SANBR: variants seen among roughly 807,000 people sequenced by gnomAD.
SANBR encodes the protein SANT and BTB domain regulator of CSR, also known as SANT and BTB domain regulator of class switch recombination.
A neutral mutation model predicts 101.8 loss-of-function variants in SANBR; 77 were observed. The observed-to-expected ratio is 0.76, with a 90% CI of 0.63 to 0.91. The LOEUF is 0.91. SANBR is among the 40% of genes least tolerant of loss of function. The pLI is 0.00. For synonymous variants in SANBR, 279 were observed against 274.7 expected (o/e 1.02, Z -0.15); for missense variants, 875 against 853.0 (o/e 1.03, Z -0.32).
At chr2:61,086,748 G>GT (rs996345939) in intron 8 of SANBR, among the ~76,000 whole-genome samples, 1 of 151,980 alleles carries the variant, frequency 6.6e-6, no homozygotes, top group East Asian at 1.9e-4. Flanking sequence ...AGGATTTTTT[G>GT]TTTTTTTAGG....
chr2:61,091,815 A>G (rs1256005082), intron 10 of SANBR, among the ~76,000 whole-genome samples: 1 of 152,168 alleles, frequency 6.6e-6, no homozygotes, highest in Non-Finnish European at 1.5e-5. Flanking sequence ...GCATATGACC[A>G]TAGCAAATAT....
chr2:61,112,153 C>G (rs189215785), intron 16 of SANBR, among the ~76,000 whole-genome samples: 7 of 152,300 alleles, frequency 4.6e-5, no homozygotes, highest in Admixed American at 4.6e-4. Flanking sequence ...CGTTTTGCAT[C>G]TCTACAAGCA....
intron 5 of SANBR, among the ~76,000 whole-genome samples, chr2:61,073,822 A>G (rs191152908): frequency 6.6e-6 from 1 of 152,172 alleles, no homozygotes; most frequent in East Asian, 1.9e-4. Context: ...TTAAAAAGTG[A>G]ATTTTAATAC....
intron 7 of SANBR, 47 bp downstream of exon 7, chr2:61,081,557 C>T (rs1682128902): frequency 1.4e-6 from 2 of 1,448,328 alleles, no homozygotes; most frequent in Admixed American, 2.8e-5. Flanking sequence ...TTCACTTATG[C>T]TTTCTTTTCC....
intron 2 of SANBR, among the ~76,000 whole-genome samples, chr2:61,069,280 A>G (rs1478946102): frequency 6.6e-6 from 1 of 152,188 alleles, no homozygotes; most frequent in Non-Finnish European, 1.5e-5. Context: ...TACTTATATC[A>G]TCTTCAAAGT....
At chr2:61,111,299 A>G (rs1346695400) in intron 16 of SANBR, among the ~76,000 whole-genome samples, 1 of 152,146 alleles carries the variant, frequency 6.6e-6, no homozygotes, top group Non-Finnish European at 1.5e-5. Flanking sequence ...AGGCTGAGGC[A>G]GGAAAATGGT....
At chr2:61,084,061 C>T (rs1398573214) in intron 8 of SANBR, among the ~76,000 whole-genome samples, 3 of 152,128 alleles carry the variant, frequency 2.0e-5, no homozygotes, top group East Asian at 3.9e-4. Flanking sequence ...TCAAGCGATC[C>T]TTCCACCTCA....
intron 6 of SANBR, among the ~76,000 whole-genome samples, chr2:61,081,053 A>T (rs940887407): frequency 6.6e-6 from 1 of 152,196 alleles, no homozygotes; most frequent in East Asian, 1.9e-4. Context: ...ATTTGTTCAT[A>T]ACAAGCATTG....
intron 13 of SANBR, among the ~76,000 whole-genome samples, 198 bp downstream of exon 13, chr2:61,104,196 G>C (rs984224632): frequency 2.0e-5 from 3 of 152,124 alleles, no homozygotes; most frequent in African/African-American, 7.2e-5. Context: ...AAAAATACTG[G>C]AGGTGGCTGG....
chr2:61,127,661 T>C (rs561584191), downstream of SANBR, among the ~76,000 whole-genome samples: 30 of 152,248 alleles, frequency 2.0e-4, no homozygotes, highest in African/African-American at 7.0e-4. Context: ...CCCACTTTTT[T>C]CTTTGTCTAA....
intron 1 of SANBR, among the ~76,000 whole-genome samples, chr2:61,068,265 G>C (rs1033045811): frequency 6.6e-6 from 1 of 152,096 alleles, no homozygotes; most frequent in Non-Finnish European, 1.5e-5. Flanking sequence ...TTACTTTTCA[G>C]ATTCACTCAC....
At chr2:61,090,308 C>G (rs559478277) in intron 10 of SANBR, 54 of 152,280 alleles carry the variant, frequency 3.5e-4, no homozygotes, top group African/African-American at 1.2e-3. Context: ...ATAGCACACA[C>G]TGTTATGAAA....
At chr2:61,130,619 A>T (rs1684658043) in intron 20 of SANBR, among the ~76,000 whole-genome samples, 1 of 152,174 alleles carries the variant, frequency 6.6e-6, no homozygotes, top group Non-Finnish European at 1.5e-5. Context: ...CTGAAAATTA[A>T]TGTAATACAC....
At chr2:61,104,348 G>T (rs1187600322) in intron 13 of SANBR, among the ~76,000 whole-genome samples, 2 of 151,998 alleles carry the variant, frequency 1.3e-5, no homozygotes, top group African/African-American at 4.8e-5. Flanking sequence ...CGGGCGTGGT[G>T]GTGGGCACCT....
intron 1 of SANBR, among the ~76,000 whole-genome samples, chr2:61,066,802 T>G (rs959240007): frequency 2.6e-5 from 4 of 152,162 alleles, no homozygotes; most frequent in Admixed American, 2.0e-4. Context: ...CTAGTCTTCT[T>G]AATTAATACA....
At chr2:61,085,324 G>A (rs1682365331) in intron 8 of SANBR, among the ~76,000 whole-genome samples, 1 of 151,862 alleles carries the variant, frequency 6.6e-6, no homozygotes, top group Admixed American at 6.6e-5. Flanking sequence ...TATGAGGTAG[G>A]GGTCAAGGTT....
At chr2:61,070,102 C>T (rs1301606359) in intron 2 of SANBR, among the ~76,000 whole-genome samples, 2 of 152,084 alleles carry the variant, frequency 1.3e-5, no homozygotes, top group Non-Finnish European at 2.9e-5. Context: ...ATATTTTAGG[C>T]TTTTTATCGT....
At chr2:61,136,662 T>G (rs1573691842) in intron 21 of SANBR, among the ~76,000 whole-genome samples, 1 of 144,612 alleles carries the variant, frequency 6.9e-6, no homozygotes. Context: ...AGCAAACTGA[T>G]GCAAACTCTT....
intron 21 of SANBR, among the ~76,000 whole-genome samples, chr2:61,136,154 A>G (rs2592491): frequency 0.42 from 64,044 of 151,328 alleles, 13,715 homozygotes; most frequent in Middle Eastern, 0.5. Context: ...AACTACAAAA[A>G]TTAGCTGGGC....
Sources: gnomAD v4.1 joint callset for allele counts (sites outside exome capture counted in the v4.1 genomes callset) on GRCh38, gnomAD v4.1.1 for gene constraint, MANE v1.5 for transcripts, NCBI Gene and HGNC (gene_info 2026-07-23, HGNC 2026-07-21) for gene names.